Variants in SHANK2 observed in about 807,000 individuals in gnomAD.
SHANK2 encodes the protein SH3 and multiple ankyrin repeat domains 2.
In SHANK2, 43 loss-of-function variants were observed where a neutral mutation model predicts 133.7. The observed-to-expected ratio is 0.32, with a 90% CI of 0.25 to 0.41. SHANK2 has a LOEUF of 0.41. Among genes scored for constraint, SHANK2 ranks in the 10% least tolerant of loss-of-function variants. The pLI is 1.00. For missense variants in SHANK2, 1,994 were observed against 2,235.8 expected, an observed-to-expected ratio of 0.89 and a Z score of 2.18; for synonymous variants, 1,017 against 952.8, an observed-to-expected ratio of 1.07 and a Z score of -1.24.
At chr11:70,918,805 C>T (rs1555080289) in intron 10 of SHANK2, among the ~76,000 whole-genome samples, 1 of 152,180 alleles carries the variant, frequency 6.6e-6, no homozygotes, top group Non-Finnish European at 1.5e-5. Flanking sequence ...CCATGCCCAG[C>T]CTTAATTGAC....
At chr11:71,202,409 G>A (rs1555117273) in intron 2 of SHANK2, among the ~76,000 whole-genome samples, 1 of 152,214 alleles carries the variant, frequency 6.6e-6, no homozygotes, top group African/African-American at 2.4e-5. Flanking sequence ...GTGGGCAGGT[G>A]ACTGAACCCA....
intron 4 of SHANK2, among the ~76,000 whole-genome samples, chr11:71,114,377 A>G (rs1028820456): frequency 9.9e-5 from 15 of 152,192 alleles, no homozygotes; most frequent in Non-Finnish European, 2.1e-4. Flanking sequence ...GGTGCGGGGC[A>G]GGTGGCGGGT....
At chr11:70,875,146 C>T (rs575620398) in intron 11 of SHANK2, among the ~76,000 whole-genome samples, 16 of 152,096 alleles carry the variant, frequency 1.1e-4, no homozygotes, top group African/African-American at 2.2e-4. Flanking sequence ...ATTTTTAGAA[C>T]GGGGGGACAT....
In SHANK2 at chr11:70,952,866, A is replaced by C. The variant is rs1424701888; in HGVS notation, c.1108-56299T>G. 4 of 359,450 alleles carry C rather than the reference A, an allele frequency of 1.1e-5. No homozygotes were observed. The Admixed American group carries it at 1.2e-4, about 11-fold the overall frequency. 22.3% of individuals were successfully genotyped at this position (359,450 alleles called of 1,614,324 possible). On this transcript the variant is annotated intron_variant, in intron 10 of 25. Transcript: ENST00000601538. ...CAAACAAGGTGGCTTCAAGCAACAA[A>C]CCTTCCATGCAGTCCTGTAAGCCAG...
At position 71,172,423 on chromosome 11, in the gene SHANK2, C is replaced by A. The variant is rs530663899; in HGVS notation, c.-12-25085G>T. On this transcript the variant is annotated intron_variant, in intron 2 of 25. Transcript: ENST00000601538. Reference sequence around the variant, plus strand: ...GACCAGCTTGGCCAATATGGTGACACCCCATCTCTACTAAAAATATAAAAA... The same window carrying A: ...GACCAGCTTGGCCAATATGGTGACAACCCATCTCTACTAAAAATATAAAAA... Among the ~76,000 whole-genome samples the A allele has an allele frequency of 4.6e-5, 7 of 151,956 alleles. No individual in the cohort carries two copies. In the South Asian group the frequency reaches 1.5e-3, roughly 32 times the overall value.
At chr11:70,815,323 G>A (rs1291010498) in intron 12 of SHANK2, among the ~76,000 whole-genome samples, 4 of 151,886 alleles carry the variant, frequency 2.6e-5, no homozygotes, top group Non-Finnish European at 5.9e-5. Context: ...GACTGTGGGG[G>A]AGGATGGGGG....
At chr11:71,177,112 T>A (rs1457684843) in intron 2 of SHANK2, among the ~76,000 whole-genome samples, 1 of 125,366 alleles carries the variant, frequency 8.0e-6, no homozygotes, top group Non-Finnish European at 1.8e-5. Context: ...AGTGAATATA[T>A]CTTTCAGAAA....
intron 10 of SHANK2, among the ~76,000 whole-genome samples, chr11:70,912,533 C>T (rs1482281122): frequency 6.6e-6 from 1 of 152,180 alleles, no homozygotes; most frequent in East Asian, 1.9e-4. Context: ...CTCTTACTGT[C>T]ACCATGTAAG....
chr11:71,133,701 T>A (rs1486868813), intron 3 of SHANK2, among the ~76,000 whole-genome samples: 1 of 152,040 alleles, frequency 6.6e-6, no homozygotes, highest in Non-Finnish European at 1.5e-5. Flanking sequence ...GGACTCAAAG[T>A]TTTTGAATAA....
intron 14 of SHANK2, among the ~76,000 whole-genome samples, chr11:70,777,010 T>C (rs4474460): frequency 0.02 from 2,785 of 141,446 alleles, 79 homozygotes; most frequent in African/African-American, 0.063. Context: ...TCCTCCAACC[T>C]ACCCACCTAC....
chr11:71,157,161 G>A (rs1555109218), intron 2 of SHANK2, among the ~76,000 whole-genome samples: 1 of 152,112 alleles, frequency 6.6e-6, no homozygotes, highest in East Asian at 1.9e-4. Flanking sequence ...GACACTGACA[G>A]CAGGAACTCT....
intron 17 of SHANK2, among the ~76,000 whole-genome samples, chr11:70,650,004 G>C (rs1396239028): frequency 6.6e-6 from 1 of 152,198 alleles, no homozygotes; most frequent in Non-Finnish European, 1.5e-5. Context: ...CTGACCCACA[G>C]GGAATGTTCC....
At chr11:70,827,622 CTGTG>C (rs201245312) in intron 11 of SHANK2, among the ~76,000 whole-genome samples, 1 of 138,476 alleles carries the variant, frequency 7.2e-6, no homozygotes, top group South Asian at 2.3e-4. Flanking sequence ...ATTTAGTGTG[CTGTG>C]TGTGTGTGTG....
chr11:71,208,721 G>A (rs1555118412), intron 2 of SHANK2, among the ~76,000 whole-genome samples: 1 of 152,124 alleles, frequency 6.6e-6, no homozygotes, highest in Non-Finnish European at 1.5e-5. Flanking sequence ...TGAATCTCCA[G>A]CCTCAGTTTC....
At chr11:70,704,540 G>A (rs1426666045) in intron 14 of SHANK2, among the ~76,000 whole-genome samples, 1 of 152,192 alleles carries the variant, frequency 6.6e-6, no homozygotes, top group African/African-American at 2.4e-5. Context: ...AGTGACCCAG[G>A]GCCCACTTAA....
At chr11:71,138,105 C>G (rs1472389492) in intron 3 of SHANK2, among the ~76,000 whole-genome samples, 1 of 63,070 alleles carries the variant, frequency 1.6e-5, no homozygotes, top group Admixed American at 1.9e-4. Flanking sequence ...AACACAGCTT[C>G]TAACAGTAAC....
chr11:70,787,196 A>G (rs1947680761), intron 14 of SHANK2, among the ~76,000 whole-genome samples: 1 of 151,212 alleles, frequency 6.6e-6, no homozygotes, highest in African/African-American at 2.4e-5. Flanking sequence ...CACCAGCATC[A>G]CCAACATCAT....
rs569013210 is a variant in SHANK2, at chr11:71,168,598, G to A, written c.-12-21260C>T. Among the ~76,000 whole-genome samples the A allele has an allele frequency of 1.1e-3, 163 of 152,274 alleles. 1 individual carries two copies. Among genetic ancestry groups the A allele is most frequent in the East Asian group, 9.3e-3 (48 of 5,174 alleles). On this transcript the variant is annotated intron_variant, in intron 2 of 25. Coordinates refer to ENST00000601538, the MANE Select transcript of SHANK2 (RefSeq NM_012309.5). ...GGCACTTCAGGATGCCGAGGCTGGC[G>A]GATCACTCGCAGTTAGGAGCTGGAG...
chr11:70,929,205 AG>A (rs797044132), intron 10 of SHANK2, among the ~76,000 whole-genome samples: 53 of 152,270 alleles, frequency 3.5e-4, no homozygotes, highest in African/African-American at 1.3e-3. Flanking sequence ...GAAATATCTG[AG>A]GGGTAGAATG....
Sources: allele counts gnomAD v4.1 joint callset (sites outside exome capture counted in the v4.1 genomes callset), GRCh38; gene constraint gnomAD v4.1.1; transcripts MANE v1.5; gene names NCBI Gene and HGNC (gene_info 2026-07-23, HGNC 2026-07-21).